Variants in DSCAML1 observed in about 807,000 individuals in gnomAD.
DSCAML1 encodes the protein DS cell adhesion molecule like 1.
A neutral mutation model predicts 200.5 loss-of-function variants in DSCAML1; 38 were observed. The observed-to-expected ratio is 0.19, with a 90% CI of 0.15 to 0.25. DSCAML1 has a LOEUF of 0.25. Among genes scored for constraint, DSCAML1 ranks in the 10% least tolerant of loss-of-function variants. DSCAML1 has a pLI of 1.00. For missense variants in DSCAML1, 2,223 were observed against 2,858.8 expected (o/e 0.78, Z 5.07); for synonymous variants, 1,215 against 1,165.0 (o/e 1.04, Z -0.87).
At chr11:117,613,005 G>A (rs1462643041) in intron 3 of DSCAML1, among the ~76,000 whole-genome samples, 1 of 152,138 alleles carries the variant, frequency 6.6e-6, no homozygotes, top group Non-Finnish European at 1.5e-5. Context: ...AGGTTAGACT[G>A]GATAACCTAG....
In DSCAML1 at chr11:117,480,292, C is replaced by T. The variant is rs1227777407; in HGVS notation, c.2785+151G>A. ...CCAGTGTCCCTCCCTTCAGAAGCCA[C>T]AGCTGCTTGTGCACTGGTGGGTGCT... On this transcript the variant is annotated intron_variant, in intron 14 of 32. Coordinates refer to ENST00000651296, the MANE Select transcript of DSCAML1 (RefSeq NM_020693.4). This position sits in a 1 kb window ranked among gnomAD's most constrained non-coding sequence, Gnocchi z 4.1. 8.0e-7 allele frequency: 1 copy of T among 1,249,896 alleles called. No homozygotes were observed. Among genetic ancestry groups the T allele is most frequent in the South Asian group, 1.5e-5 (1 of 67,468 alleles). 77.4% of individuals were successfully genotyped at this position (1,249,896 alleles called of 1,614,324 possible).
chr11:117,567,679 G>C (rs2050781142), intron 3 of DSCAML1, among the ~76,000 whole-genome samples: 1 of 152,208 alleles, frequency 6.6e-6, no homozygotes, highest in South Asian at 2.1e-4. Flanking sequence ...CCAGGAAGAA[G>C]CTGAATCTGT....
At chr11:117,674,230 G>T (rs1389843189) in intron 3 of DSCAML1, among the ~76,000 whole-genome samples, 2 of 152,218 alleles carry the variant, frequency 1.3e-5, no homozygotes, top group African/African-American at 4.8e-5. Context: ...TGCCTGGCAG[G>T]TGCTGTGGAT....
intron 3 of DSCAML1, among the ~76,000 whole-genome samples, chr11:117,536,233 A>G (rs1387597453): frequency 6.6e-6 from 1 of 152,186 alleles, no homozygotes; most frequent in Non-Finnish European, 1.5e-5. Flanking sequence ...TGGGGAAGGA[A>G]GGAGCAAGAG....
intron 3 of DSCAML1, among the ~76,000 whole-genome samples, chr11:117,627,796 G>T (rs2052084942): frequency 6.6e-6 from 1 of 152,038 alleles, no homozygotes; most frequent in Admixed American, 6.5e-5. Flanking sequence ...CTCAAAGCAG[G>T]ACCCCTCAGG....
At chr11:117,696,817 C>T (rs1027625287) in intron 3 of DSCAML1, among the ~76,000 whole-genome samples, 1 of 152,196 alleles carries the variant, frequency 6.6e-6, no homozygotes, top group African/African-American at 2.4e-5. Context: ...GCTCACTATT[C>T]AGCTCACTTC....
At chr11:117,775,959 A>C (rs1159354248) in intron 3 of DSCAML1, among the ~76,000 whole-genome samples, 1 of 152,208 alleles carries the variant, frequency 6.6e-6, no homozygotes, top group Non-Finnish European at 1.5e-5. Context: ...AATTTACAGC[A>C]TGGGAAACAA....
At chr11:117,567,742 A>G (rs1012998863) in intron 3 of DSCAML1, among the ~76,000 whole-genome samples, 7 of 152,214 alleles carry the variant, frequency 4.6e-5, no homozygotes, top group Non-Finnish European at 1.0e-4. Context: ...TAGCTTACCA[A>G]CCAAAAAGAG....
rs1164205608 is a variant in DSCAML1, at chr11:117,492,199, C to G, written c.2360-10037G>C. On this transcript the variant is annotated intron_variant, in intron 11 of 32. Coordinates refer to ENST00000651296, the MANE Select transcript of DSCAML1 (RefSeq NM_020693.4). ...AGCCCTCCTCTACCTCCTATGACAG[C>G]AGCTGCCTCTGGCAGGACAACCCCA... 2.0e-5 allele frequency among the ~76,000 whole-genome samples: 3 copies of G among 152,246 alleles called. No individual in the cohort carries two copies. The East Asian group carries it at 5.8e-4, about 29-fold the overall frequency.
intron 1 of DSCAML1, among the ~76,000 whole-genome samples, chr11:117,803,771 C>T (rs1009266179): frequency 2.0e-5 from 3 of 152,240 alleles, no homozygotes; most frequent in Admixed American, 1.3e-4. Context: ...GCTGTTCACA[C>T]AGAAGCCCCC....
intron 3 of DSCAML1, among the ~76,000 whole-genome samples, chr11:117,601,919 G>T (rs911410107): frequency 2.6e-5 from 4 of 152,290 alleles, no homozygotes; most frequent in Non-Finnish European, 5.9e-5. Context: ...ATCTCTCCTG[G>T]GTTTAGGTCT....
At chr11:117,529,082 T>A (rs1013001218) in intron 4 of DSCAML1, among the ~76,000 whole-genome samples, 1 of 152,030 alleles carries the variant, frequency 6.6e-6, no homozygotes, top group Non-Finnish European at 1.5e-5. Context: ...TTTATTTATT[T>A]ATTTTGGAGA....
At chr11:117,562,512 C>T (rs547399581) in intron 3 of DSCAML1, among the ~76,000 whole-genome samples, 5 of 152,272 alleles carry the variant, frequency 3.3e-5, no homozygotes, top group South Asian at 2.1e-4. Flanking sequence ...TGAGTGGCAC[C>T]GAAACGACAT....
chr11:117,651,144 C>A (rs1406236829), intron 3 of DSCAML1, among the ~76,000 whole-genome samples: 1 of 152,372 alleles, frequency 6.6e-6, no homozygotes, highest in Admixed American at 6.5e-5. Flanking sequence ...CAATCCAGGG[C>A]GCTTTGCTCT....
At chr11:117,483,856 A>G (rs868788032) in intron 11 of DSCAML1, among the ~76,000 whole-genome samples, 4 of 152,012 alleles carry the variant, frequency 2.6e-5, no homozygotes, top group Non-Finnish European at 5.9e-5. Context: ...ATAAATGGGG[A>G]GGGGCTGTCA....
Position 117,587,615 on chromosome 11 carries a change from G to A in DSCAML1, c.512-55093C>T, listed in dbSNP as rs897234404. On this transcript the variant is annotated intron_variant, in intron 3 of 32. Coordinates refer to ENST00000651296, the MANE Select transcript of DSCAML1 (RefSeq NM_020693.4). The stretch of plus-strand genomic sequence containing the variant: ...GACTCCTCTGCTGCCTGGAGCCCCC[G>A]CTGCCTTGCATAGCCATCACTGAGA... 3.9e-5 allele frequency among the ~76,000 whole-genome samples: 6 copies of A among 152,136 alleles called. No individual in the cohort carries two copies. In the East Asian group the frequency reaches 9.6e-4, roughly 24 times the overall value.
intron 8 of DSCAML1, among the ~76,000 whole-genome samples, chr11:117,507,137 C>T (rs1017952829): frequency 6.6e-6 from 1 of 152,194 alleles, no homozygotes; most frequent in Non-Finnish European, 1.5e-5. Context: ...TAGGCTGCAG[C>T]GACTTCCCCA....
At chr11:117,502,100 G>T (rs919400500) in intron 11 of DSCAML1, among the ~76,000 whole-genome samples, 2 of 152,180 alleles carry the variant, frequency 1.3e-5, no homozygotes, top group African/African-American at 4.8e-5. Flanking sequence ...TTGCTGCTGG[G>T]TTGCCAAGTG....
At chr11:117,693,522 TAC>T (rs2053534944) in intron 3 of DSCAML1, among the ~76,000 whole-genome samples, 1 of 152,198 alleles carries the variant, frequency 6.6e-6, no homozygotes, top group Non-Finnish European at 1.5e-5. Flanking sequence ...TCCCTCCAGG[TAC>T]ACATCAGCTT....
Sources: gnomAD v4.1 joint callset for allele counts (sites outside exome capture counted in the v4.1 genomes callset) on GRCh38, gnomAD v4.1.1 for gene constraint, Gnocchi (gnomAD v3.1) non-coding constraint, MANE v1.5 for transcripts, NCBI Gene and HGNC (gene_info 2026-07-23, HGNC 2026-07-21) for gene names.